Variants in IL1RAPL1 observed in about 807,000 individuals in gnomAD.
The protein encoded by IL1RAPL1 is interleukin 1 receptor accessory protein like 1.
Under a neutral mutation model 48.4 loss-of-function variants are expected in IL1RAPL1, and 3 were observed. The observed-to-expected ratio is 0.06, with a 90% confidence interval of 0.03 to 0.16. The LOEUF is 0.16. Ranked by LOEUF, IL1RAPL1 falls within the 10% of genes least tolerant of loss-of-function variation. The probability of loss-of-function intolerance (pLI) is 1.00; values close to 1 mark genes in which losing one functional copy is unlikely to be tolerated. For missense variants in IL1RAPL1, 349 were observed against 530.6 expected, an observed-to-expected ratio of 0.66 and a Z score of 3.36; for synonymous variants, 185 against 187.7, an observed-to-expected ratio of 0.99 and a Z score of 0.12.
chrX:29,293,428 A>G (rs748886040), intron 3 of IL1RAPL1, among the ~76,000 whole-genome samples: 1 of 111,192 alleles, frequency 9.0e-6, no homozygotes, highest in Admixed American at 9.6e-5. Context: ...TTTGAAATCA[A>G]TTGTGTCATG....
chrX:28,895,531 C>T (rs915422845), intron 2 of IL1RAPL1, among the ~76,000 whole-genome samples: 3 of 109,620 alleles, frequency 2.7e-5, no homozygotes, highest in Non-Finnish European at 5.7e-5. Flanking sequence ...AGCAATGAGG[C>T]GTGGCTGTAG....
chrX:28,786,321 C>T (rs1936473368), intron 1 of IL1RAPL1, among the ~76,000 whole-genome samples: 2 of 110,268 alleles, frequency 1.8e-5, no homozygotes, highest in African/African-American at 3.3e-5. Flanking sequence ...AAAAATTAGC[C>T]GAGTATGGTG....
At chrX:29,381,517 A>C (rs1476359341) in intron 3 of IL1RAPL1, among the ~76,000 whole-genome samples, 2 of 94,491 alleles carry the variant, frequency 2.1e-5, no homozygotes, top group Admixed American at 1.2e-4. Flanking sequence ...AAAAAAAAAA[A>C]AAAAAAAAAA....
chrX:29,718,732 T>G (rs1044189383), intron 6 of IL1RAPL1, among the ~76,000 whole-genome samples: 1 of 111,128 alleles, frequency 9.0e-6, no homozygotes, highest in African/African-American at 3.3e-5. Flanking sequence ...GCTGGCCTTT[T>G]GAGCACTCTC....
At chrX:29,627,036 T>C (rs143284829) in intron 5 of IL1RAPL1, among the ~76,000 whole-genome samples, 1 of 112,471 alleles carries the variant, frequency 8.9e-6, no homozygotes, top group Admixed American at 9.5e-5. Context: ...CATATGTATG[T>C]ATTAAGTTAT....
At chrX:29,440,016 TGTGTG>T (rs759003253) in intron 5 of IL1RAPL1, among the ~76,000 whole-genome samples, 367 of 107,465 alleles carry the variant, frequency 3.4e-3, no homozygotes, top group African/African-American at 0.012. Context: ...TGTGTGTGTG[TGTGTG>T]TGTGAATGTG....
chrX:28,861,307 A>G (rs1921937727), intron 2 of IL1RAPL1, among the ~76,000 whole-genome samples: 1 of 112,114 alleles, frequency 8.9e-6, no homozygotes, highest in Admixed American at 9.5e-5. Context: ...TAAGGGCAGG[A>G]AGCCTATTTA....
At chrX:29,062,244 A>T in intron 2 of IL1RAPL1, among the ~76,000 whole-genome samples, 1 of 112,234 alleles carries the variant, frequency 8.9e-6, no homozygotes, top group Non-Finnish European at 1.9e-5. Flanking sequence ...CCTTGAGTAG[A>T]CTTGTAAGGT....
chrX:29,027,574 G>T (rs1275986839), intron 2 of IL1RAPL1, among the ~76,000 whole-genome samples: 1 of 111,806 alleles, frequency 8.9e-6, no homozygotes, highest in African/African-American at 3.3e-5. Flanking sequence ...TTGTTGGATT[G>T]CATGGTAAGA....
chrX:29,142,347 C>G (rs12847399), intron 2 of IL1RAPL1, among the ~76,000 whole-genome samples: 2 of 111,654 alleles, frequency 1.8e-5, no homozygotes, highest in Non-Finnish European at 3.8e-5. Context: ...GAGTTACATG[C>G]TACAAAATGG....
chrX:28,699,353 G>T (rs1935270385), intron 1 of IL1RAPL1, among the ~76,000 whole-genome samples: 1 of 112,066 alleles, frequency 8.9e-6, no homozygotes, highest in Non-Finnish European at 1.9e-5. Flanking sequence ...AGGTGTGTCT[G>T]CTGCCGTTTT....
chrX:29,234,230 A>G (rs1202037511), intron 2 of IL1RAPL1, among the ~76,000 whole-genome samples: 2 of 110,326 alleles, frequency 1.8e-5, no homozygotes, highest in Non-Finnish European at 3.8e-5. Context: ...TTATGGATAT[A>G]TAATGGTTGC....
At chrX:29,901,301 A>C (rs1932491560) in intron 6 of IL1RAPL1, among the ~76,000 whole-genome samples, 1 of 111,917 alleles carries the variant, frequency 8.9e-6, no homozygotes, top group Non-Finnish European at 1.9e-5. Flanking sequence ...TAGGGACTAT[A>C]CTACTAAAAG....
intron 5 of IL1RAPL1, among the ~76,000 whole-genome samples, chrX:29,441,670 T>G (rs780970808): frequency 8.9e-6 from 1 of 111,957 alleles, no homozygotes; most frequent in African/African-American, 3.2e-5. Flanking sequence ...ACGTGCTTAC[T>G]TATATCCGTA....
intron 2 of IL1RAPL1, among the ~76,000 whole-genome samples, chrX:28,989,255 G>A (rs757502852): frequency 1.8e-5 from 2 of 112,371 alleles, no homozygotes; most frequent in East Asian, 2.8e-4. Flanking sequence ...GTCTATGGCT[G>A]TATCTCAGTA....
intron 6 of IL1RAPL1, among the ~76,000 whole-genome samples, chrX:29,897,263 T>C (rs1479896799): frequency 8.9e-6 from 1 of 112,408 alleles, no homozygotes; most frequent in African/African-American, 3.2e-5. Flanking sequence ...GCCTCTCTAC[T>C]ACTTCCACCA....
chrX:28,735,819 T>G (rs1464906688), intron 1 of IL1RAPL1, among the ~76,000 whole-genome samples: 1 of 111,314 alleles, frequency 9.0e-6, no homozygotes, highest in African/African-American at 3.3e-5. Context: ...ATAAATTGCT[T>G]AAAAACAAGA....
chrX:29,630,308 A>G (rs1354227136), intron 5 of IL1RAPL1, among the ~76,000 whole-genome samples: 3 of 111,665 alleles, frequency 2.7e-5, no homozygotes, highest in Non-Finnish European at 3.8e-5. Context: ...ATTTCCACAT[A>G]TGAATTTTGG....
intron 5 of IL1RAPL1, among the ~76,000 whole-genome samples, chrX:29,527,762 A>G (rs1434514481): frequency 2.7e-5 from 3 of 112,314 alleles, no homozygotes; most frequent in Non-Finnish European, 5.6e-5. Context: ...ATTGTAATGT[A>G]TATCACAGAT....
Sources: gnomAD v4.1 joint callset for allele counts (sites outside exome capture counted in the v4.1 genomes callset) on GRCh38, gnomAD v4.1.1 for gene constraint, MANE v1.5 for transcripts, NCBI Gene and HGNC (gene_info 2026-07-23, HGNC 2026-07-21) for gene names.